SLC24A3: variants seen among roughly 807,000 people sequenced by gnomAD.
The protein encoded by SLC24A3 is solute carrier family 24 member 3, also known as sodium/potassium/calcium exchanger 3.
In SLC24A3, 28 loss-of-function variants were observed where a neutral mutation model predicts 75.8. That is an observed-to-expected ratio of 0.37 (90% confidence interval 0.27 to 0.51). The LOEUF (loss-of-function observed/expected upper bound fraction) is 0.51. SLC24A3 is among the 20% of genes least tolerant of loss of function. The pLI is 0.94. For synonymous variants in SLC24A3, 372 were observed against 334.1 expected, an observed-to-expected ratio of 1.11 and a Z score of -1.24; for missense variants, 663 against 847.8, an observed-to-expected ratio of 0.78 and a Z score of 2.71.
chr20:19,678,694 T>C (rs1209006172), intron 9 of SLC24A3, among the ~76,000 whole-genome samples: 1 of 114,718 alleles, frequency 8.7e-6, no homozygotes, highest in Non-Finnish European at 1.8e-5. Context: ...GAGACGCTCC[T>C]CACTTCCCAG....
chr20:19,426,079 T>G (rs1290650483), intron 2 of SLC24A3, among the ~76,000 whole-genome samples: 2 of 152,218 alleles, frequency 1.3e-5, no homozygotes, highest in Non-Finnish European at 2.9e-5. Flanking sequence ...TTCTAGGCCC[T>G]TCAAGTGGAA....
intron 7 of SLC24A3, among the ~76,000 whole-genome samples, chr20:19,655,416 T>G (rs1006785347): frequency 6.6e-6 from 1 of 152,158 alleles, no homozygotes; most frequent in African/African-American, 2.4e-5. Context: ...GGTGAAAAAT[T>G]GGGAAGAACA....
intron 2 of SLC24A3, among the ~76,000 whole-genome samples, chr20:19,398,518 AT>A (rs1986496265): frequency 6.6e-6 from 1 of 152,136 alleles, no homozygotes; most frequent in African/African-American, 2.4e-5. Context: ...AGATTTTTGC[AT>A]TTTGATTTTG....
chr20:19,656,208 T>C (rs991654849), intron 7 of SLC24A3, among the ~76,000 whole-genome samples: 7 of 152,176 alleles, frequency 4.6e-5, no homozygotes, highest in Admixed American at 6.5e-5. Flanking sequence ...AATCTTGAGT[T>C]TACAAACCAT....
chr20:19,219,906 C>T (rs1052905674), intron 1 of SLC24A3, among the ~76,000 whole-genome samples: 13 of 152,270 alleles, frequency 8.5e-5, no homozygotes, highest in African/African-American at 1.7e-4. Context: ...CCAGACACTG[C>T]GGGGGACCAT....
chr20:19,349,820 A>G (rs1985525278), intron 2 of SLC24A3, among the ~76,000 whole-genome samples: 1 of 152,232 alleles, frequency 6.6e-6, no homozygotes, highest in Non-Finnish European at 1.5e-5. Flanking sequence ...ACTCCCAAGT[A>G]ATCTTCCTTT....
intron 2 of SLC24A3, among the ~76,000 whole-genome samples, chr20:19,402,052 A>G (rs971349887): frequency 6.6e-6 from 1 of 152,196 alleles, no homozygotes; most frequent in Non-Finnish European, 1.5e-5. Flanking sequence ...ACCCAAAATA[A>G]GGCAGGGGCT....
At chr20:19,654,410 T>C (rs916166097) in intron 7 of SLC24A3, among the ~76,000 whole-genome samples, 1 of 151,988 alleles carries the variant, frequency 6.6e-6, no homozygotes, top group Non-Finnish European at 1.5e-5. Flanking sequence ...GCATGGCTCT[T>C]CTGTCGCTTC....
intron 6 of SLC24A3, among the ~76,000 whole-genome samples, chr20:19,645,641 C>A (rs889895802): frequency 2.0e-5 from 3 of 151,994 alleles, no homozygotes; most frequent in Non-Finnish European, 4.4e-5. Context: ...CAAGAGAAAC[C>A]AAAAGTCTTG....
At chr20:19,361,928 G>T (rs1257853423) in intron 2 of SLC24A3, among the ~76,000 whole-genome samples, 2 of 152,062 alleles carry the variant, frequency 1.3e-5, no homozygotes, top group Admixed American at 6.5e-5. Context: ...GCCTTTGGGG[G>T]TTGCTCTACC....
chr20:19,678,458 C>T (rs536328456), intron 9 of SLC24A3, among the ~76,000 whole-genome samples: 2 of 122,314 alleles, frequency 1.6e-5, no homozygotes, highest in Non-Finnish European at 3.5e-5. Context: ...GCTGGCCGGG[C>T]GGGGGGCTGA....
At chr20:19,339,752 G>A (rs985138958) in intron 2 of SLC24A3, among the ~76,000 whole-genome samples, 1 of 152,232 alleles carries the variant, frequency 6.6e-6, no homozygotes, top group African/African-American at 2.4e-5. Context: ...ACCCTCATCA[G>A]ATGCATGTGG....
intron 2 of SLC24A3, among the ~76,000 whole-genome samples, chr20:19,346,383 GGTATATATA>G (rs1568595984): frequency 3.5e-4 from 45 of 127,446 alleles, no homozygotes; most frequent in African/African-American, 1.2e-3. Context: ...GTATATATAT[GGTATATATA>G]TGGTGTATAT....
rs2031283777 is a variant in SLC24A3, at chr20:19,585,616, G to A, written c.612+72G>A. 5 of 1,438,282 alleles carry A rather than the reference G, an allele frequency of 3.5e-6. No individual in the cohort carries two copies. The South Asian group carries it at 4.8e-5, about 14-fold the overall frequency. 89.1% of individuals were successfully genotyped at this position (1,438,282 alleles called of 1,614,324 possible). On this transcript the variant is annotated intron_variant, in intron 6 of 16. Transcript: ENST00000328041. ...AAGGGGAGGCATGGAGTTTAGGCAGGAGACTGTCTTGCTGGAACACAACTT... is the reference window on the plus strand; with the variant it reads ...AAGGGGAGGCATGGAGTTTAGGCAGAAGACTGTCTTGCTGGAACACAACTT...
chr20:19,666,723 C>A (rs1248873225), intron 8 of SLC24A3, among the ~76,000 whole-genome samples: 1 of 152,068 alleles, frequency 6.6e-6, no homozygotes, highest in Admixed American at 6.5e-5. Flanking sequence ...GTGGCTCATG[C>A]CTGTAATCCT....
chr20:19,419,160 G>C (rs997110471), intron 2 of SLC24A3, among the ~76,000 whole-genome samples: 1 of 152,172 alleles, frequency 6.6e-6, no homozygotes, highest in African/African-American at 2.4e-5. Context: ...AAACAAAGAA[G>C]GAAGGAAAAC....
chr20:19,532,942 T>C (rs1265689950), intron 3 of SLC24A3, among the ~76,000 whole-genome samples: 3 of 152,246 alleles, frequency 2.0e-5, no homozygotes, highest in African/African-American at 7.2e-5. Context: ...AGCAGACAGA[T>C]ATCAGCTGTC....
At chr20:19,276,486 G>A (rs1983489842) in intron 1 of SLC24A3, among the ~76,000 whole-genome samples, 1 of 152,158 alleles carries the variant, frequency 6.6e-6, no homozygotes, top group African/African-American at 2.4e-5. Context: ...TTGCTCCTAG[G>A]CTAAAAACCT....
At chr20:19,578,004 C>T (rs767345668) in intron 3 of SLC24A3, among the ~76,000 whole-genome samples, 1 of 152,040 alleles carries the variant, frequency 6.6e-6, no homozygotes, top group Non-Finnish European at 1.5e-5. Flanking sequence ...TGGAAGAGAC[C>T]AAACATATAT....
Sources: allele counts gnomAD v4.1 joint callset (sites outside exome capture counted in the v4.1 genomes callset), GRCh38; gene constraint gnomAD v4.1.1; transcripts MANE v1.5; gene names NCBI Gene and HGNC (gene_info 2026-07-23, HGNC 2026-07-21).